SNX18: variants seen among roughly 807,000 people sequenced by gnomAD.
The protein encoded by SNX18 is sorting nexin 18, also known as sorting nexin-18.
SNX18 carries 35 observed loss-of-function variants against 48.7 expected under a neutral mutation model. The observed-to-expected ratio is 0.72, with a 90% CI of 0.55 to 0.95. SNX18 has a LOEUF of 0.95. SNX18 is among the 40% of genes least tolerant of loss of function. The pLI is 0.00. For missense variants in SNX18, 824 were observed against 871.0 expected (o/e 0.95, Z 0.68); for synonymous variants, 492 against 384.7 (o/e 1.28, Z -3.26).
chr5:54,575,426 G>T, the SNX18 span, among the ~76,000 whole-genome samples: 1 of 137,606 alleles, frequency 7.3e-6, no homozygotes. Flanking sequence ...AGGCTAAAGT[G>T]CAGTGGCATG....
chr5:54,557,254 A>G, the SNX18 span, among the ~76,000 whole-genome samples: 2 of 152,274 alleles, frequency 1.3e-5, no homozygotes, highest in African/African-American at 4.8e-5. Context: ...AGTAAAAGGA[A>G]TAAGACACAA....
chr5:54,607,155 T>G, the SNX18 span, among the ~76,000 whole-genome samples: 11 of 152,302 alleles, frequency 7.2e-5, no homozygotes, highest in Admixed American at 5.9e-4. Flanking sequence ...CTAGTAGCTT[T>G]TATACCCCAC....
intron 1 of SNX18, among the ~76,000 whole-genome samples, chr5:54,523,178 A>C (rs1446305718): frequency 1.3e-5 from 2 of 151,848 alleles, no homozygotes; most frequent in African/African-American, 4.8e-5. Flanking sequence ...TTTTTTCTTA[A>C]GTGATAGCAT....
the SNX18 span, among the ~76,000 whole-genome samples, chr5:54,566,866 G>A: frequency 6.6e-6 from 1 of 152,136 alleles, no homozygotes; most frequent in Non-Finnish European, 1.5e-5. Context: ...AGCACAATTG[G>A]TCTCACCAAC....
chr5:54,614,273 G>A, the SNX18 span, among the ~76,000 whole-genome samples: 1 of 152,130 alleles, frequency 6.6e-6, no homozygotes, highest in Non-Finnish European at 1.5e-5. Context: ...GGAAAACTAG[G>A]CCCTGCTGGA....
At position 54,519,504 on chromosome 5, in the gene SNX18, G is replaced by C. The variant is rs1048379768; in HGVS notation, c.1552G>C (p.Val518Leu). The C allele has an allele frequency of 6.2e-7, 1 of 1,614,218 alleles. No individual in the cohort carries two copies. The highest frequency in any genetic ancestry group is 8.5e-7 in the Non-Finnish European group (1 of 1,180,042). Residue 518 changes from valine to leucine, a missense_variant, in exon 1 of 2, where the codon GTC becomes CTC. Around this residue, in one of 3 missense-constraint regions of SNX18, gnomAD observed 443 missense variants for 503.6 expected, o/e 0.88. Coordinates refer to ENST00000381410, the MANE Select transcript of SNX18 (RefSeq NM_001102575.2). ...GCAGCCCAGGCAGGACCTGGATCCC[G>C]TCATGGACCTATTAGCGCTGTATCA... is the stretch of plus-strand genomic sequence containing the variant. Reference protein sequence around the residue: ...AEQPRQDLDPVMDLLALYQGH... With the variant: ...AEQPRQDLDPLMDLLALYQGH...
intron 1 of SNX18, among the ~76,000 whole-genome samples, chr5:54,541,854 T>C (rs1304451869): frequency 1.3e-5 from 2 of 152,230 alleles, no homozygotes; most frequent in African/African-American, 2.4e-5. Context: ...TTTAATATTA[T>C]ATTATTCTTT....
the SNX18 span, among the ~76,000 whole-genome samples, chr5:54,555,855 GA>G: frequency 6.6e-5 from 10 of 151,218 alleles, no homozygotes; most frequent in Non-Finnish European, 1.2e-4. Context: ...AAAGAATAAA[GA>G]AAAAAAGATT....
the SNX18 span, among the ~76,000 whole-genome samples, chr5:54,588,309 T>TATTTA: frequency 1.8e-3 from 14 of 7,576 alleles, no homozygotes; most frequent in South Asian, 5.6e-3. Context: ...TTCTATTCTT[T>TATTTA]TTTTTTTTTT....
the SNX18 span, among the ~76,000 whole-genome samples, chr5:54,619,997 G>A: frequency 6.6e-6 from 1 of 152,264 alleles, no homozygotes; most frequent in Non-Finnish European, 1.5e-5. Flanking sequence ...GGGAACAAAC[G>A]GAAGGCGGTT....
At chr5:54,562,996 T>C in the SNX18 span, among the ~76,000 whole-genome samples, 1 of 152,094 alleles carries the variant, frequency 6.6e-6, no homozygotes, top group East Asian at 1.9e-4. Flanking sequence ...AGTAAATACA[T>C]AAAAATTTTA....
chr5:54,555,957 A>G, the SNX18 span, among the ~76,000 whole-genome samples: 1 of 152,206 alleles, frequency 6.6e-6, no homozygotes, highest in Non-Finnish European at 1.5e-5. Context: ...TGATTTATTA[A>G]CTGAGGTTTC....
the SNX18 span, among the ~76,000 whole-genome samples, chr5:54,592,829 C>T: frequency 1.3e-5 from 2 of 152,172 alleles, no homozygotes; most frequent in African/African-American, 4.8e-5. Flanking sequence ...GAGATGGAGT[C>T]TCACTCTGTC....
At chr5:54,643,473 A>G in the SNX18 span, 1 of 152,250 alleles carries the variant, frequency 6.6e-6, no homozygotes, top group South Asian at 2.1e-4. Context: ...TGATGGTTGA[A>G]CCCATCTAAA....
the SNX18 span, among the ~76,000 whole-genome samples, chr5:54,633,950 T>C: frequency 3.3e-5 from 5 of 152,246 alleles, no homozygotes; most frequent in Non-Finnish European, 2.9e-5. Context: ...CGAAGTATTA[T>C]GAACAAGAGA....
the SNX18 span, among the ~76,000 whole-genome samples, chr5:54,613,985 T>C: frequency 6.6e-6 from 1 of 152,224 alleles, no homozygotes. Flanking sequence ...CGTGAGCCAC[T>C]GCACTCTTTT....
the SNX18 span, among the ~76,000 whole-genome samples, chr5:54,637,383 T>A: frequency 6.6e-6 from 1 of 152,234 alleles, no homozygotes; most frequent in Admixed American, 6.5e-5. Context: ...TTCATTTTCA[T>A]CAAATATCCT....
the SNX18 span, among the ~76,000 whole-genome samples, chr5:54,567,231 G>A: frequency 1.3e-5 from 2 of 152,010 alleles, no homozygotes; most frequent in Admixed American, 6.6e-5. Context: ...GTGTGTGTGC[G>A]TGTGTGTGTG....
the SNX18 span, among the ~76,000 whole-genome samples, chr5:54,574,506 T>G: frequency 3.3e-5 from 5 of 152,134 alleles, no homozygotes; most frequent in Admixed American, 3.3e-4. Context: ...GGCTAGAAAA[T>G]GTAACCTTTA....
Sources: allele counts gnomAD v4.1 joint callset (sites outside exome capture counted in the v4.1 genomes callset), GRCh38; gene constraint gnomAD v4.1.1; regional missense constraint gnomAD v4.1.1; transcripts MANE v1.5; gene names NCBI Gene and HGNC (gene_info 2026-07-23, HGNC 2026-07-21).